The following POU6F2 variants were observed in gnomAD, a reference collection of about 807,000 sequenced individuals.
POU6F2 encodes the protein POU domain, class 6, transcription factor 2.
A neutral mutation model predicts 71.3 loss-of-function variants in POU6F2; 31 were observed. The ratio of observed to expected loss-of-function variants is 0.43; its 90% CI spans 0.33 to 0.59. The LOEUF (loss-of-function observed/expected upper bound fraction) is 0.59, where lower values mean the gene tolerates loss of function less well. Among genes scored for constraint, POU6F2 ranks in the 20% least tolerant of loss-of-function variants. The pLI, the probability that POU6F2 is intolerant of heterozygous loss-of-function variation, is 0.04. For missense variants in POU6F2, 783 were observed against 856.8 expected (o/e 0.91, Z 1.07); for synonymous variants, 347 against 355.7 (o/e 0.98, Z 0.27).
intron 5 of POU6F2, among the ~76,000 whole-genome samples, chr7:39,397,636 G>A (rs1432409040): frequency 2.0e-5 from 3 of 148,534 alleles, no homozygotes; most frequent in African/African-American, 7.4e-5. Flanking sequence ...AGGATTACAG[G>A]CACACGCCAC....
intron 4 of POU6F2, among the ~76,000 whole-genome samples, chr7:39,281,200 G>T (rs909297635): frequency 6.6e-6 from 1 of 151,828 alleles, no homozygotes; most frequent in Non-Finnish European, 1.5e-5. Flanking sequence ...ATACTTGTGG[G>T]GTATAGTGTG....
At chr7:39,065,977 G>C (rs1790746644) in intron 1 of POU6F2, among the ~76,000 whole-genome samples, 1 of 151,616 alleles carries the variant, frequency 6.6e-6, no homozygotes, top group African/African-American at 2.4e-5. Flanking sequence ...ACCCACAACA[G>C]AGCAATTGAA....
chr7:39,073,511 T>C (rs1562695091), intron 1 of POU6F2, among the ~76,000 whole-genome samples: 1 of 152,168 alleles, frequency 6.6e-6, no homozygotes, highest in Non-Finnish European at 1.5e-5. Context: ...AATTATGTTA[T>C]CTCTGCTCGT....
At chr7:39,412,825 G>A (rs888668684) in intron 6 of POU6F2, among the ~76,000 whole-genome samples, 4 of 51,924 alleles carry the variant, frequency 7.7e-5, no homozygotes, top group African/African-American at 1.4e-4. Flanking sequence ...TTTTTGAGAC[G>A]GAGTCTTGCT....
At chr7:39,256,379 G>A (rs1378441574) in intron 4 of POU6F2, among the ~76,000 whole-genome samples, 1 of 151,958 alleles carries the variant, frequency 6.6e-6, no homozygotes, top group Non-Finnish European at 1.5e-5. Flanking sequence ...CATCAGGCTG[G>A]GGGAAAAAGA....
intron 1 of POU6F2, among the ~76,000 whole-genome samples, chr7:39,002,890 C>CT (rs1351361564): frequency 1.3e-5 from 2 of 152,136 alleles, no homozygotes; most frequent in African/African-American, 4.8e-5. Context: ...TGAAGGTTTC[C>CT]TTTATGATTT....
At chr7:39,359,788 G>A (rs1786337390) in intron 5 of POU6F2, among the ~76,000 whole-genome samples, 1 of 152,112 alleles carries the variant, frequency 6.6e-6, no homozygotes, top group Non-Finnish European at 1.5e-5. Context: ...AGAATCAGTT[G>A]CTTAATCCTA....
rs2115614811 is a variant in POU6F2, at chr7:39,339,675, T to A, written c.632T>A (p.Leu211His). ...TCCCTGAACTCCCAGCTCCAGCAGC[T>A]CCAGCTCCAGCTCCAGCAGCAGCAG... ...TSSLNSQLQQ[L>H]QLQLQQQQQQ... The change falls in exon 5 of 10, where the codon CTC becomes CAC. Residue 211 changes from leucine (L) to histidine (H), a missense_variant. Physicochemically the swap from Leu to His is moderately conservative, Grantham distance 99. Around this residue, in one of 2 missense-constraint regions of POU6F2, gnomAD observed 572 missense variants for 572.9 expected, o/e 1.00. Transcript: ENST00000518318. The A allele has an allele frequency of 1.3e-6, 2 of 1,598,988 alleles. No homozygotes were observed. Among genetic ancestry groups the A allele is most frequent in the Admixed American group, 3.3e-5 (2 of 59,796 alleles).
chr7:39,446,168 C>T (rs1356300667), intron 7 of POU6F2, among the ~76,000 whole-genome samples: 1 of 152,234 alleles, frequency 6.6e-6, no homozygotes, highest in East Asian at 1.9e-4. Flanking sequence ...TGATGCCCTT[C>T]CCACATACTC....
chr7:39,126,044 CT>C (rs1417559109), intron 2 of POU6F2, among the ~76,000 whole-genome samples: 1 of 152,170 alleles, frequency 6.6e-6, no homozygotes, highest in East Asian at 1.9e-4. Context: ...CTTTTAATTT[CT>C]TTACATTGTT....
chr7:39,169,551 A>G (rs1009760706), intron 2 of POU6F2, among the ~76,000 whole-genome samples: 2 of 152,210 alleles, frequency 1.3e-5, no homozygotes, highest in African/African-American at 4.8e-5. Flanking sequence ...AAAACTCTCA[A>G]TTGTAAAAAT....
intron 1 of POU6F2, among the ~76,000 whole-genome samples, chr7:39,060,936 A>G (rs781016348): frequency 1.3e-5 from 2 of 151,454 alleles, no homozygotes; most frequent in Non-Finnish European, 2.9e-5. Context: ...GGCAAAATAG[A>G]CACCATCACT....
intron 4 of POU6F2, among the ~76,000 whole-genome samples, chr7:39,257,173 A>G (rs977491186): frequency 6.6e-6 from 1 of 152,332 alleles, no homozygotes; most frequent in South Asian, 2.1e-4. Context: ...GCAGATACAA[A>G]GGAGCATGGT....
At chr7:39,450,481 A>G (rs928990138) in intron 7 of POU6F2, among the ~76,000 whole-genome samples, 1 of 152,038 alleles carries the variant, frequency 6.6e-6, no homozygotes, top group Non-Finnish European at 1.5e-5. Context: ...AAAAAAAATG[A>G]TGGAGAGACA....
intron 6 of POU6F2, 106 bp from the exon 7 acceptor site, chr7:39,432,971 T>C (rs1288726786): frequency 9.0e-7 from 1 of 1,112,412 alleles, no homozygotes; most frequent in African/African-American, 1.6e-5. Flanking sequence ...AGATTCTGAG[T>C]CGGCTCCCAG....
At chr7:39,119,813 C>G (rs1191104351) in intron 2 of POU6F2, among the ~76,000 whole-genome samples, 10 of 152,250 alleles carry the variant, frequency 6.6e-5, no homozygotes, top group South Asian at 4.1e-4. Context: ...GGTTTGGTTC[C>G]TTTTGCTATA....
At chr7:39,312,482 T>C (rs1157834859) in intron 4 of POU6F2, among the ~76,000 whole-genome samples, 1 of 152,122 alleles carries the variant, frequency 6.6e-6, no homozygotes, top group East Asian at 1.9e-4. Context: ...AGCCAAGCAG[T>C]CACCTAACCA....
rs1225454587 is a variant in POU6F2 at position 39,451,687 on chromosome 7, G to C, written c.1475G>C (p.Gly492Ala). The change falls in exon 8 of 10, where the codon GGC (glycine) becomes GCC (alanine). Residue 492 changes from glycine (G) to alanine (A), a missense_variant. Coordinates refer to ENST00000518318, the MANE Select transcript of POU6F2 (RefSeq NM_001370959.1). The stretch of plus-strand genomic sequence containing the variant: ...TCCTCTTCTTCAGCTTTGAGCGTGG[G>C]CCAGTTAGTCAGCAGTAAGTATCCT... ...SSSSSSALSV[G>A]QLVSNPQTAA... 6.3e-7 allele frequency: 1 copy of C among 1,595,220 alleles called. No homozygotes were observed. The highest frequency in any genetic ancestry group is 2.3e-5 in the East Asian group (1 of 44,032).
intron 1 of POU6F2, among the ~76,000 whole-genome samples, chr7:39,078,971 A>G (rs1197566219): frequency 2.0e-5 from 3 of 152,160 alleles, no homozygotes; most frequent in Non-Finnish European, 4.4e-5. Context: ...CATCCCCTAC[A>G]GCATCTATTT....
Sources: gnomAD v4.1 joint callset for allele counts (sites outside exome capture counted in the v4.1 genomes callset) on GRCh38, gnomAD v4.1.1 for gene constraint, gnomAD v4.1.1 regional missense constraint, MANE v1.5 for transcripts, NCBI Gene and HGNC (gene_info 2026-07-23, HGNC 2026-07-21) for gene names.